FHOD3: variants seen among roughly 807,000 people sequenced by gnomAD.
FHOD3 encodes FH1/FH2 domain-containing protein 3.
In FHOD3, 90 loss-of-function variants were observed where a neutral mutation model predicts 173.0. That is an observed-to-expected ratio of 0.52 (90% CI 0.44 to 0.62). The LOEUF is 0.62. Ranked by LOEUF, FHOD3 falls within the 20% of genes least tolerant of loss-of-function variation. FHOD3 has a pLI of 0.00. For synonymous variants in FHOD3, 828 were observed against 823.0 expected, an observed-to-expected ratio of 1.01 and a Z score of -0.10; for missense variants, 1,945 against 2,034.7, an observed-to-expected ratio of 0.96 and a Z score of 0.85.
chr18:36,763,524 TATA>T (rs1469744195), intron 27 of FHOD3, among the ~76,000 whole-genome samples: 3 of 138,274 alleles, frequency 2.2e-5, no homozygotes, highest in East Asian at 1.9e-4. Flanking sequence ...ACACGTTATA[TATA>T]ATATGTGTAT....
chr18:36,657,953 G>A (rs1474547688), intron 13 of FHOD3, 122 bp from the exon 14 acceptor site: 2 of 666,400 alleles, frequency 3.0e-6, no homozygotes, highest in East Asian at 3.1e-5. Flanking sequence ...ACCACTAACA[G>A]TGGTAGCATT....
chr18:36,663,502 A>G (rs535938175), intron 14 of FHOD3, among the ~76,000 whole-genome samples: 1 of 152,308 alleles, frequency 6.6e-6, no homozygotes, highest in African/African-American at 2.4e-5. Context: ...GAACAGTCCT[A>G]TTATTGCATC....
chr18:36,385,659 C>A (rs1374209472), intron 3 of FHOD3, among the ~76,000 whole-genome samples: 1 of 152,184 alleles, frequency 6.6e-6, no homozygotes, highest in Non-Finnish European at 1.5e-5. Context: ...GCCTTGCCTC[C>A]CAAAGTGCTG....
intron 17 of FHOD3, among the ~76,000 whole-genome samples, chr18:36,700,355 G>C (rs536885221): frequency 6.6e-6 from 1 of 152,142 alleles, no homozygotes; most frequent in Non-Finnish European, 1.5e-5. Context: ...GGAAGGTGAT[G>C]TCTATCTCTC....
intron 3 of FHOD3, among the ~76,000 whole-genome samples, chr18:36,387,301 C>T (rs1452392567): frequency 6.6e-6 from 1 of 152,160 alleles, no homozygotes; most frequent in African/African-American, 2.4e-5. Flanking sequence ...CTCACACTTC[C>T]CTTGTGAGCT....
chr18:36,569,245 A>G (rs1422421568), intron 5 of FHOD3, among the ~76,000 whole-genome samples: 3 of 152,184 alleles, frequency 2.0e-5, no homozygotes, highest in Non-Finnish European at 2.9e-5. Flanking sequence ...CCCACTTATA[A>G]TGCTATAGGT....
At chr18:36,477,028 C>T (rs1412800936) in intron 3 of FHOD3, among the ~76,000 whole-genome samples, 1 of 152,150 alleles carries the variant, frequency 6.6e-6, no homozygotes, top group African/African-American at 2.4e-5. Context: ...GTGAGACCTG[C>T]AAGAGGAGGA....
At chr18:36,744,967 G>A (rs761998901) in intron 23 of FHOD3, among the ~76,000 whole-genome samples, 1 of 152,212 alleles carries the variant, frequency 6.6e-6, no homozygotes, top group African/African-American at 2.4e-5. Flanking sequence ...CCAGGCTAGT[G>A]TGAAGGAACC....
intron 4 of FHOD3, 63 bp from the exon 5 acceptor site, chr18:36,512,375 A>C: frequency 8.3e-6 from 10 of 1,209,342 alleles, no homozygotes; most frequent in Non-Finnish European, 1.1e-5. Context: ...TTTTAGCAGC[A>C]CAGCTGGGAT....
intron 3 of FHOD3, among the ~76,000 whole-genome samples, chr18:36,382,170 T>C (rs2047824426): frequency 6.6e-6 from 1 of 152,190 alleles, no homozygotes; most frequent in African/African-American, 2.4e-5. Context: ...CAGTGTGTGC[T>C]TCACATCTTT....
At chr18:36,408,133 A>G (rs898770151) in intron 3 of FHOD3, among the ~76,000 whole-genome samples, 10 of 152,216 alleles carry the variant, frequency 6.6e-5, no homozygotes, top group Admixed American at 4.6e-4. Flanking sequence ...CCACATTAGC[A>G]TGAATCCTCT....
At chr18:36,609,870 C>A (rs968950996) in intron 8 of FHOD3, among the ~76,000 whole-genome samples, 13 of 152,192 alleles carry the variant, frequency 8.5e-5, no homozygotes, top group Non-Finnish European at 1.5e-4. Flanking sequence ...CTCAACCCCC[C>A]AAAAGTGTTG....
At chr18:36,551,553 T>A (rs2057657446) in intron 5 of FHOD3, among the ~76,000 whole-genome samples, 1 of 152,246 alleles carries the variant, frequency 6.6e-6, no homozygotes. Flanking sequence ...TTTTGGTGTT[T>A]TAGTCATGAA....
At chr18:36,465,189 A>G (rs1262539014) in intron 3 of FHOD3, among the ~76,000 whole-genome samples, 3 of 152,086 alleles carry the variant, frequency 2.0e-5, no homozygotes, top group African/African-American at 7.2e-5. Flanking sequence ...TTAGCTGGGC[A>G]TGGTGGCGGG....
intron 5 of FHOD3, among the ~76,000 whole-genome samples, chr18:36,564,617 G>A (rs965208482): frequency 6.6e-6 from 1 of 152,172 alleles, no homozygotes; most frequent in African/African-American, 2.4e-5. Flanking sequence ...TATTAGATGG[G>A]AGAAGATGCA....
intron 3 of FHOD3, among the ~76,000 whole-genome samples, chr18:36,388,218 G>T (rs751343563): frequency 1.3e-5 from 2 of 151,972 alleles, no homozygotes; most frequent in Non-Finnish European, 2.9e-5. Flanking sequence ...ATATCTTTCT[G>T]ACATTGTCCT....
intron 3 of FHOD3, among the ~76,000 whole-genome samples, chr18:36,472,218 G>A (rs1004971224): frequency 2.0e-5 from 3 of 152,182 alleles, no homozygotes; most frequent in Non-Finnish European, 2.9e-5. Context: ...ATCTGGTGGT[G>A]TTTTCGATGA....
Position 36,706,529 on chromosome 18 carries a change from G to A in FHOD3, c.2237-2566G>A, listed in dbSNP as rs912198250. Among the ~76,000 whole-genome samples, 5 of 152,146 alleles carry A rather than the reference G, an allele frequency of 3.3e-5. No individual in the cohort carries two copies. In the East Asian group the frequency reaches 9.6e-4, roughly 29 times the overall value. On this transcript the variant is annotated intron_variant, in intron 17 of 28. Coordinates refer to ENST00000590592, the MANE Select transcript of FHOD3 (RefSeq NM_001281740.3). ...AGAGTGTGGCTTTTCCAGAGCTCGC[G>A]TGTCTGTTAGCACACCTGCCCAGGC...
chr18:36,403,397 G>A (rs532309651), intron 3 of FHOD3, among the ~76,000 whole-genome samples: 5 of 152,168 alleles, frequency 3.3e-5, no homozygotes, highest in African/African-American at 7.2e-5. Context: ...TTAAAGAAAC[G>A]TCTCTGACAT....
Sources: allele counts gnomAD v4.1 joint callset (sites outside exome capture counted in the v4.1 genomes callset), GRCh38; gene constraint gnomAD v4.1.1; transcripts MANE v1.5; gene names NCBI Gene and HGNC (gene_info 2026-07-23, HGNC 2026-07-21).